The following ZNF254 variants were observed in gnomAD, a reference collection of about 807,000 sequenced individuals.
ZNF254 encodes zinc finger protein 254, also known as CTD-2017D11.1.
Under a neutral mutation model 12.4 loss-of-function variants are expected in ZNF254, and 10 were observed. That is an observed-to-expected ratio of 0.80 (90% CI 0.50 to 1.36). The LOEUF (loss-of-function observed/expected upper bound fraction) is 1.36, where lower values mean the gene tolerates loss of function less well. Among genes scored for constraint, ZNF254 ranks in the 40% most tolerant of loss-of-function variants. ZNF254 has a pLI of 0.00. For missense variants in ZNF254, 996 were observed against 763.9 expected (o/e 1.30, Z -3.58); for synonymous variants, 305 against 253.4 (o/e 1.20, Z -1.93).
intron 2 of ZNF254, among the ~76,000 whole-genome samples, chr19:24,052,310 C>T (rs1021291200): frequency 2.0e-5 from 3 of 152,230 alleles, no homozygotes; most frequent in African/African-American, 4.8e-5. Context: ...ATCATCTTTC[C>T]ATCACTTAGG....
upstream of ZNF254, among the ~76,000 whole-genome samples, chr19:24,083,363 G>A (rs1177329010): frequency 1.3e-5 from 2 of 152,066 alleles, no homozygotes; most frequent in Non-Finnish European, 2.9e-5. Context: ...GATGGGTAGG[G>A]TTAGTATTGT....
Position 24,128,069 on chromosome 19 carries a change from G to A in ZNF254, c.*89G>A, listed in dbSNP as rs762825944. ...GAGAAACTACAAACCTGAGAGAGGCGCTAATGCTTTTGACAGTACCTAAAA... is the reference window on the plus strand; with the variant it reads ...GAGAAACTACAAACCTGAGAGAGGCACTAATGCTTTTGACAGTACCTAAAA... On this transcript the variant is annotated 3_prime_UTR_variant, in exon 4 of 4. Transcript: ENST00000357002. 2.9e-5 allele frequency: 39 copies of A among 1,334,860 alleles called. No individual in the cohort carries two copies. Among genetic ancestry groups the A allele is most frequent in the Middle Eastern group, 2.1e-4 (1 of 4,688 alleles). The allele number at this position is 1,334,860 out of a possible 1,614,324, so 82.7% of individuals were successfully genotyped here. A position where few individuals can be genotyped will look rare whatever the true frequency, so the allele number is the denominator to read the frequency against.
At position 24,129,800 on chromosome 19, in the gene ZNF254, G is replaced by T. The variant is rs767274737; in HGVS notation, c.*1820G>T. The T allele has an allele frequency of 1.3e-5, 2 of 151,650 alleles. No homozygotes were observed. Among genetic ancestry groups the T allele is most frequent in the Admixed American group, 6.6e-5 (1 of 15,226 alleles). The allele number at this position is 151,650 out of a possible 1,614,324, so 9.4% of individuals were successfully genotyped here. A position where few individuals can be genotyped will look rare whatever the true frequency, so the allele number is the denominator to read the frequency against. On this transcript the variant is annotated 3_prime_UTR_variant, in exon 4 of 4. Transcript: ENST00000357002. Reference sequence around the variant, plus strand: ...TCATAATAAAAAATTTTATACAAACGTGTAAAATCTATACATTTCTGAGTT... The same window carrying T: ...TCATAATAAAAAATTTTATACAAACTTGTAAAATCTATACATTTCTGAGTT...
At chr19:24,124,350 A>G (rs1974687335) in intron 3 of ZNF254, among the ~76,000 whole-genome samples, 1 of 152,124 alleles carries the variant, frequency 6.6e-6, no homozygotes, top group East Asian at 1.9e-4. Context: ...TATCCTTCAA[A>G]TTTCAGAGAA....
chr19:24,100,164 T>C (rs1972923337), intron 1 of ZNF254, among the ~76,000 whole-genome samples: 1 of 152,168 alleles, frequency 6.6e-6, no homozygotes, highest in South Asian at 2.1e-4. Flanking sequence ...CTTCATTCCA[T>C]GACTCTTTTA....
intron 3 of ZNF254, among the ~76,000 whole-genome samples, chr19:24,110,487 G>A (rs1973601322): frequency 6.6e-6 from 1 of 151,954 alleles, no homozygotes; most frequent in South Asian, 2.1e-4. Flanking sequence ...GATTAGTTGA[G>A]CCTGGGATTG....
chr19:24,120,511 T>C (rs1371268468), intron 3 of ZNF254, among the ~76,000 whole-genome samples: 2 of 152,094 alleles, frequency 1.3e-5, no homozygotes, highest in African/African-American at 4.8e-5. Context: ...GCTTTAAGGG[T>C]TTTATGCATC....
Position 24,062,661 on chromosome 19 carries a change from T to G in ZNF254, c.-94+16382T>G, listed in dbSNP as rs114934714. 2.9e-3 allele frequency among the ~76,000 whole-genome samples: 447 copies of G among 152,312 alleles called. 1 individual carries two copies. Among genetic ancestry groups the G allele is most frequent in the African/African-American group, 0.01 (432 of 41,578 alleles). On this transcript the variant is annotated intron_variant, in intron 2 of 4. Coordinates refer to the ZNF254 transcript ENST00000613065. ...TCATCCACTTAAACACACTCTTCTT[T>G]TGAGGTTCTGAATCTCACTTTTGGA...
intron 1 of ZNF254, among the ~76,000 whole-genome samples, chr19:24,095,578 A>G (rs1286776737): frequency 6.6e-6 from 1 of 151,926 alleles, no homozygotes; most frequent in African/African-American, 2.4e-5. Flanking sequence ...TTATTCATCT[A>G]TTTAGGGGTT....
At chr19:24,044,545 A>AAT (rs983913020) in intron 1 of ZNF254, among the ~76,000 whole-genome samples, 25 of 144,560 alleles carry the variant, frequency 1.7e-4, no homozygotes, top group South Asian at 1.3e-3. Context: ...CTCAAAAAAA[A>AAT]AAATAAATAA....
intron 1 of ZNF254, among the ~76,000 whole-genome samples, chr19:24,096,927 A>G (rs1972704395): frequency 6.6e-6 from 1 of 152,232 alleles, no homozygotes. Flanking sequence ...CAGATGTCCA[A>G]GAGTTCAAGC....
chr19:24,049,198 ATATATATATATATATATTTTT>A (rs1340295901), intron 2 of ZNF254, among the ~76,000 whole-genome samples: 1 of 61,208 alleles, frequency 1.6e-5, no homozygotes. Context: ...ATATATATAT[ATATATATATATATATATTTTT>A]TTTTTTTTTT....
chr19:24,099,249 C>T (rs1303577287), intron 1 of ZNF254, among the ~76,000 whole-genome samples: 1 of 151,200 alleles, frequency 6.6e-6, no homozygotes, highest in East Asian at 2.0e-4. Flanking sequence ...TCATGATCCA[C>T]CAGCCTCAGC....
chr19:24,122,306 C>A (rs1398018914), intron 3 of ZNF254, among the ~76,000 whole-genome samples: 6 of 151,998 alleles, frequency 3.9e-5, no homozygotes, highest in African/African-American at 1.2e-4. Context: ...CTCAGTGCAA[C>A]CTCCACCTCC....
chr19:24,088,711 CAGTGGTGT>C (rs1972178928), intron 1 of ZNF254, among the ~76,000 whole-genome samples: 1 of 151,842 alleles, frequency 6.6e-6, no homozygotes, highest in Non-Finnish European at 1.5e-5. Context: ...TGCAGTGGTG[CAGTGGTGT>C]GATTTAGGCT....
intron 3 of ZNF254, among the ~76,000 whole-genome samples, chr19:24,114,836 AAAAC>A (rs1351737763): frequency 1.3e-4 from 1 of 7,904 alleles, no homozygotes; most frequent in Non-Finnish European, 4.2e-4. Flanking sequence ...TTACAAGAAA[AAAAC>A]AACCCCATCA....
At chr19:24,072,516 A>G (rs571357101) in intron 2 of ZNF254, among the ~76,000 whole-genome samples, 4 of 152,250 alleles carry the variant, frequency 2.6e-5, no homozygotes, top group Non-Finnish European at 5.9e-5. Context: ...GTATTAAGAC[A>G]TATTTCTGGG....
At chr19:24,037,556 C>T (rs1234282245) in intron 1 of ZNF254, among the ~76,000 whole-genome samples, 1 of 152,138 alleles carries the variant, frequency 6.6e-6, no homozygotes, top group Admixed American at 6.6e-5. Context: ...GCCTTATCCT[C>T]CCAAGTAGCT....
At chr19:24,060,084 C>T (rs756432430) in intron 2 of ZNF254, among the ~76,000 whole-genome samples, 2 of 152,148 alleles carry the variant, frequency 1.3e-5, no homozygotes, top group African/African-American at 2.4e-5. Context: ...TCCTTGGGCT[C>T]AGCACCCAGG....
Sources: allele counts gnomAD v4.1 joint callset (sites outside exome capture counted in the v4.1 genomes callset), GRCh38; gene constraint gnomAD v4.1.1; transcripts MANE v1.5; gene names NCBI Gene and HGNC (gene_info 2026-07-23, HGNC 2026-07-21).